CDC123: variants seen among roughly 807,000 people sequenced by gnomAD.
CDC123 encodes cell division cycle 123.
A neutral mutation model predicts 54.4 loss-of-function variants in CDC123; 37 were observed. That is an observed-to-expected ratio of 0.68 (90% confidence interval 0.52 to 0.89). The LOEUF is 0.89. Ranked by LOEUF, CDC123 falls within the 40% of genes least tolerant of loss-of-function variation. The pLI, the probability that CDC123 is intolerant of heterozygous loss-of-function variation, is 0.00. For missense variants in CDC123, 361 were observed against 412.1 expected (o/e 0.88, Z 1.07); for synonymous variants, 144 against 136.8 (o/e 1.05, Z -0.37).
chr10:12,203,486 A>G (rs1835471117), intron 2 of CDC123, among the ~76,000 whole-genome samples: 1 of 152,080 alleles, frequency 6.6e-6, no homozygotes, highest in African/African-American at 2.4e-5. Context: ...GGTTTCCTGG[A>G]GTGATATGTA....
At chr10:12,199,005 C>T in intron 2 of CDC123, 1 of 378,280 alleles carries the variant, frequency 2.6e-6, no homozygotes, top group South Asian at 3.5e-5. Flanking sequence ...TTCCTTTCAT[C>T]TCTGTCTTTA....
chr10:12,235,764 G>A (rs942471223), intron 8 of CDC123, among the ~76,000 whole-genome samples: 1 of 152,210 alleles, frequency 6.6e-6, no homozygotes. Context: ...ATGTTGAAAT[G>A]TATGAACCCA....
chr10:12,213,437 G>A (rs1286517304), intron 4 of CDC123, among the ~76,000 whole-genome samples: 1 of 152,068 alleles, frequency 6.6e-6, no homozygotes, highest in Non-Finnish European at 1.5e-5. Flanking sequence ...AAACGTCAAG[G>A]TCATAAATGG....
In CDC123 at chr10:12,249,732, G is replaced by A; in HGVS notation, c.984+14G>A. The A allele has an allele frequency of 1.3e-6, 2 of 1,585,040 alleles. No homozygotes were observed. Among genetic ancestry groups the A allele is most frequent in the Non-Finnish European group, 1.7e-6 (2 of 1,168,258 alleles). On this transcript the variant is annotated intron_variant, in intron 12 of 12. Coordinates refer to ENST00000281141, the MANE Select transcript of CDC123 (RefSeq NM_006023.3). ...TTCCTTAAGCTGGTAAAGTCTATGTGCATTTAGTATGCTGGCCATCTTTTC... is the reference window on the plus strand; with the variant it reads ...TTCCTTAAGCTGGTAAAGTCTATGTACATTTAGTATGCTGGCCATCTTTTC...
intron 7 of CDC123, among the ~76,000 whole-genome samples, chr10:12,233,100 T>A (rs1835924605): frequency 6.6e-6 from 1 of 152,130 alleles, no homozygotes; most frequent in Non-Finnish European, 1.5e-5. Context: ...CCTCCAAGAT[T>A]TATTTACCAG....
intron 11 of CDC123, 151 bp from the exon 12 acceptor site, chr10:12,249,430 G>A: frequency 1.3e-6 from 1 of 789,948 alleles, no homozygotes. Flanking sequence ...ACCGTGCCCG[G>A]CTCATTTTAA....
chr10:12,238,466 A>T lies in CDC123; in HGVS notation c.698A>T (p.Asp233Val). 6.2e-7 allele frequency: 1 copy of T among 1,607,550 alleles called. No individual in the cohort carries two copies. The highest frequency in any genetic ancestry group is 8.5e-7 in the Non-Finnish European group (1 of 1,178,080). The change falls in exon 10 of 13, where the codon GAT becomes GTT. Residue 233 changes from aspartate to valine, a missense_variant. Coordinates refer to ENST00000281141, the MANE Select transcript of CDC123 (RefSeq NM_006023.3). ...YKFLDEDFVF[D>V]IYRDSRGKVW... ...TTTTTCTCCTTTACAGTTGTGTTCG[A>T]TATATACAGAGACAGTAGGGTAAGT...
intron 10 of CDC123, 23 bp from the exon 11 acceptor site, chr10:12,246,126 T>G: frequency 1.2e-6 from 2 of 1,605,990 alleles, no homozygotes; most frequent in Non-Finnish European, 8.5e-7. Context: ...TTTGTTTTTG[T>G]TTTTTCTCTC....
At chr10:12,249,219 T>C (rs1246165971) in intron 11 of CDC123, among the ~76,000 whole-genome samples, 1 of 151,276 alleles carries the variant, frequency 6.6e-6, no homozygotes, top group Non-Finnish European at 1.5e-5. Context: ...GGAGGATTGC[T>C]TCAGCTCAGG....
chr10:12,198,807 CT>C, intron 2 of CDC123, 31 bp downstream of exon 2: 1 of 1,208,632 alleles, frequency 8.3e-7, no homozygotes, highest in Non-Finnish European at 1.2e-6. Flanking sequence ...ATTTCTTAAA[CT>C]TTATCATAAA....
At chr10:12,243,716 G>T (rs921040606) in intron 10 of CDC123, among the ~76,000 whole-genome samples, 1 of 151,854 alleles carries the variant, frequency 6.6e-6, no homozygotes, top group Non-Finnish European at 1.5e-5. Flanking sequence ...CTCGGGAGGC[G>T]GAGGTTGTAG....
At chr10:12,202,933 T>C (rs1018003727) in intron 2 of CDC123, among the ~76,000 whole-genome samples, 2 of 152,198 alleles carry the variant, frequency 1.3e-5, no homozygotes, top group Non-Finnish European at 2.9e-5. Flanking sequence ...GAGAATCACT[T>C]AAACCTGGGA....
chr10:12,210,344 C>T (rs201679420), intron 4 of CDC123, 22 bp downstream of exon 4: 24 of 1,613,670 alleles, frequency 1.5e-5, no homozygotes, highest in Admixed American at 3.3e-5. Flanking sequence ...GCAGACTCAG[C>T]GTGGGGACAG....
intron 6 of CDC123, among the ~76,000 whole-genome samples, chr10:12,225,197 C>A (rs538431594): frequency 6.6e-6 from 1 of 152,176 alleles, no homozygotes; most frequent in East Asian, 1.9e-4. Context: ...GAGTTTGAGA[C>A]CAGCCTGACC....
chr10:12,243,622 A>C (rs1836089287), intron 10 of CDC123, among the ~76,000 whole-genome samples: 1 of 117,200 alleles, frequency 8.5e-6, no homozygotes, highest in African/African-American at 2.6e-5. Flanking sequence ...GTCTCTACTA[A>C]AAATACAAAA....
intron 5 of CDC123, among the ~76,000 whole-genome samples, chr10:12,216,182 A>G (rs1242087606): frequency 6.6e-6 from 1 of 152,252 alleles, no homozygotes; most frequent in African/African-American, 2.4e-5. Flanking sequence ...AAAAAAAGTA[A>G]TAGTGTCATA....
intron 6 of CDC123, among the ~76,000 whole-genome samples, chr10:12,219,690 G>GTT (rs56171325): frequency 0.056 from 8,084 of 144,414 alleles, 660 homozygotes; most frequent in African/African-American, 0.17. Context: ...ACTGATAATG[G>GTT]TTTTTTTTTT....
intron 5 of CDC123, among the ~76,000 whole-genome samples, 189 bp from the exon 6 acceptor site, chr10:12,217,172 G>A (rs1835674369): frequency 6.6e-6 from 1 of 152,218 alleles, no homozygotes; most frequent in Non-Finnish European, 1.5e-5. Flanking sequence ...ATAACCAAGT[G>A]TCTGAAATGC....
intron 2 of CDC123, chr10:12,199,003 A>T: frequency 2.6e-6 from 1 of 380,076 alleles, no homozygotes; most frequent in Non-Finnish European, 4.7e-6. Flanking sequence ...AGTTCCTTTC[A>T]TCTCTGTCTT....
Sources: gnomAD v4.1 joint callset for allele counts (sites outside exome capture counted in the v4.1 genomes callset) on GRCh38, gnomAD v4.1.1 for gene constraint, MANE v1.5 for transcripts, NCBI Gene and HGNC (gene_info 2026-07-23, HGNC 2026-07-21) for gene names.